Variants in KIAA1217 observed in about 807,000 individuals in gnomAD.
The protein encoded by KIAA1217 is sickle tail protein homolog.
KIAA1217 carries 88 observed loss-of-function variants against 163.9 expected under a neutral mutation model. That is an observed-to-expected ratio of 0.54 (90% CI 0.45 to 0.64). The LOEUF is 0.64. Among genes scored for constraint, KIAA1217 ranks in the 30% least tolerant of loss-of-function variants. The pLI, the probability that KIAA1217 is intolerant of heterozygous loss-of-function variation, is 0.00. For synonymous variants in KIAA1217, 903 were observed against 923.1 expected, an observed-to-expected ratio of 0.98 and a Z score of 0.39; for missense variants, 2,372 against 2,475.0, an observed-to-expected ratio of 0.96 and a Z score of 0.88.
At chr10:23,829,618 G>C (rs1372517676) in intron 1 of KIAA1217, among the ~76,000 whole-genome samples, 2 of 152,074 alleles carry the variant, frequency 1.3e-5, no homozygotes, top group East Asian at 3.9e-4. Context: ...TATTCACTGG[G>C]TAGTCTAAAC....
intron 2 of KIAA1217, among the ~76,000 whole-genome samples, chr10:24,188,758 G>A (rs1374285503): frequency 6.6e-6 from 1 of 152,080 alleles, no homozygotes; most frequent in African/African-American, 2.4e-5. Context: ...GGAGGAGACC[G>A]GACACTTTCC....
chr10:24,233,063 T>G (rs2131132299), intron 2 of KIAA1217, among the ~76,000 whole-genome samples: 1 of 151,746 alleles, frequency 6.6e-6, no homozygotes, highest in African/African-American at 2.4e-5. Flanking sequence ...AAGTCAAGGC[T>G]GCAGTGAGTC....
chr10:24,295,506 C>T (rs536495205), intron 2 of KIAA1217, among the ~76,000 whole-genome samples: 7 of 152,192 alleles, frequency 4.6e-5, no homozygotes, highest in Middle Eastern at 3.4e-3. Flanking sequence ...TCCTTTCCTC[C>T]GCCCCTTTGT....
Position 23,695,298 on chromosome 10 carries a change from T to A in KIAA1217, c.-321+64T>A, listed in dbSNP as rs1235314003. 1 of 152,046 alleles carries A rather than the reference T, an allele frequency of 6.6e-6. No individual in the cohort carries two copies. The highest frequency in any genetic ancestry group is 1.5e-5 in the Non-Finnish European group (1 of 68,060). The allele number at this position is 152,046 out of a possible 1,614,324, so 9.4% of individuals were successfully genotyped here. On this transcript the variant is annotated intron_variant, in intron 1 of 18. Transcript: ENST00000376462. The surrounding 1 kb of genome is among the most constrained non-coding windows in gnomAD (Gnocchi z 4.9). ...TCCCCCAGCGCGAGTGGGAGGCACA[T>A]CTCCCCTCCTTGGATAAGGAAACCG... is the stretch of plus-strand genomic sequence containing the variant.
chr10:23,778,258 G>A (rs893541426), intron 1 of KIAA1217, among the ~76,000 whole-genome samples: 3 of 152,034 alleles, frequency 2.0e-5, no homozygotes, highest in Non-Finnish European at 4.4e-5. Context: ...ATATTTTTGT[G>A]GCAGGTAGAC....
At chr10:23,861,780 T>G (rs181599984) in intron 1 of KIAA1217, among the ~76,000 whole-genome samples, 65 of 152,274 alleles carry the variant, frequency 4.3e-4, no homozygotes, top group Non-Finnish European at 8.2e-4. Flanking sequence ...AGCAAATTTT[T>G]TTCAGCAGAT....
chr10:24,097,169 A>G (rs1221823393), intron 2 of KIAA1217, among the ~76,000 whole-genome samples: 1 of 152,224 alleles, frequency 6.6e-6, no homozygotes, highest in African/African-American at 2.4e-5. Flanking sequence ...TATAGCCTGG[A>G]TTAGAATGGT....
intron 1 of KIAA1217, among the ~76,000 whole-genome samples, chr10:23,789,503 T>A (rs567784178): frequency 3.3e-5 from 5 of 152,216 alleles, no homozygotes; most frequent in Non-Finnish European, 5.9e-5. Flanking sequence ...GACTCAGAAT[T>A]TTCTTCTGCA....
At chr10:24,077,484 A>G (rs2061404206) in intron 2 of KIAA1217, among the ~76,000 whole-genome samples, 1 of 152,202 alleles carries the variant, frequency 6.6e-6, no homozygotes, top group African/African-American at 2.4e-5. Flanking sequence ...TTCCAGCTCC[A>G]TCTATGTCCC....
chr10:23,957,465 T>C (rs1156835571), intron 1 of KIAA1217, among the ~76,000 whole-genome samples: 1 of 152,222 alleles, frequency 6.6e-6, no homozygotes, highest in African/African-American at 2.4e-5. Context: ...CTCACACCTG[T>C]AATCCCAGCA....
Position 24,130,518 on chromosome 10 carries a change from A to G in KIAA1217, c.-170-89108A>G, listed in dbSNP as rs576023350. 3.3e-5 allele frequency among the ~76,000 whole-genome samples: 5 copies of G among 152,350 alleles called. No homozygotes were observed. In the South Asian group the frequency reaches 1.0e-3, roughly 32 times the overall value. The stretch of plus-strand genomic sequence containing the variant: ...GCAGTTAATGATGATGGTAGTATCC[A>G]ACTCCATATGTAAAATGAACTAGCA... On this transcript the variant is annotated intron_variant, in intron 2 of 18. Coordinates refer to the KIAA1217 transcript ENST00000376462.
At chr10:24,492,085 G>A (rs1211836778) in intron 6 of KIAA1217, among the ~76,000 whole-genome samples, 2 of 152,320 alleles carry the variant, frequency 1.3e-5, no homozygotes, top group Non-Finnish European at 2.9e-5. Context: ...CCTGTGGGAC[G>A]AATGAGGACA....
At chr10:23,759,487 G>C (rs1366696047) in intron 1 of KIAA1217, among the ~76,000 whole-genome samples, 1 of 152,166 alleles carries the variant, frequency 6.6e-6, no homozygotes, top group Non-Finnish European at 1.5e-5. Flanking sequence ...CCTTGTTCCT[G>C]ATCTTAGAGG....
Position 23,849,017 on chromosome 10 carries a change from C to A in KIAA1217, c.-321+153783C>A, listed in dbSNP as rs552157961. ...GTGTCTATTTTCTATTTCCCCAGAACCTGGCACAGTCCTAGGACAAAGAAA... is the reference window on the plus strand; with the variant it reads ...GTGTCTATTTTCTATTTCCCCAGAAACTGGCACAGTCCTAGGACAAAGAAA... On this transcript the variant is annotated intron_variant, in intron 1 of 18. Coordinates refer to the KIAA1217 transcript ENST00000376462. Among the ~76,000 whole-genome samples, 7 of 152,094 alleles carry A rather than the reference C, an allele frequency of 4.6e-5. No homozygotes were observed. The East Asian group carries it at 1.4e-3, about 29-fold the overall frequency.
At position 24,332,441 on chromosome 10, in the gene KIAA1217, G is replaced by C. The variant is rs565308149; in HGVS notation, c.355-48428G>C. ...CTTTTATGACCTGGAAGAAAATTTG[G>C]GATGGGTTGGGGTAGCAGGTGTCAT... is the stretch of plus-strand genomic sequence containing the variant. On this transcript the variant is annotated intron_variant, in intron 2 of 20. Coordinates refer to ENST00000376454, the MANE Select transcript of KIAA1217 (RefSeq NM_019590.5). Among the ~76,000 whole-genome samples the C allele has an allele frequency of 2.6e-5, 4 of 152,262 alleles. No homozygotes were observed. The South Asian group carries it at 8.3e-4, about 32-fold the overall frequency.
chr10:23,766,297 A>G (rs750291055), intron 1 of KIAA1217, among the ~76,000 whole-genome samples: 24 of 152,352 alleles, frequency 1.6e-4, no homozygotes, highest in Non-Finnish European at 2.9e-4. Flanking sequence ...TTTAAAGAAT[A>G]GCTTTTATTT....
chr10:24,318,390 G>T (rs2043691748), intron 2 of KIAA1217, among the ~76,000 whole-genome samples: 1 of 152,130 alleles, frequency 6.6e-6, no homozygotes, highest in African/African-American at 2.4e-5. Flanking sequence ...ACTGAAACAG[G>T]CTGAGGTTTC....
intron 2 of KIAA1217, among the ~76,000 whole-genome samples, chr10:24,182,002 T>C (rs1428403180): frequency 1.3e-5 from 2 of 152,230 alleles, no homozygotes; most frequent in African/African-American, 4.8e-5. Flanking sequence ...TTGTGGAATT[T>C]AGATGAGCAC....
chr10:24,243,757 C>T (rs1337907442), intron 2 of KIAA1217, among the ~76,000 whole-genome samples: 1 of 151,246 alleles, frequency 6.6e-6, no homozygotes, highest in Non-Finnish European at 1.5e-5. Flanking sequence ...ATATACACAT[C>T]TATGAATGTA....
Sources: gnomAD v4.1 joint callset for allele counts (sites outside exome capture counted in the v4.1 genomes callset) on GRCh38, gnomAD v4.1.1 for gene constraint, Gnocchi (gnomAD v3.1) non-coding constraint, MANE v1.5 for transcripts, NCBI Gene and HGNC (gene_info 2026-07-23, HGNC 2026-07-21) for gene names.